The following CFAP57 variants were observed in gnomAD, a reference collection of about 807,000 sequenced individuals.
CFAP57 encodes the protein cilia- and flagella-associated protein 57.
In CFAP57, 116 loss-of-function variants were observed where a neutral mutation model predicts 146.8. That is an observed-to-expected ratio of 0.79 (90% CI 0.68 to 0.92). The LOEUF (loss-of-function observed/expected upper bound fraction) is 0.92. CFAP57 is among the 40% of genes least tolerant of loss of function. The probability of loss-of-function intolerance (pLI) is 0.00; values close to 1 mark genes in which losing one functional copy is unlikely to be tolerated. For missense variants in CFAP57, 1,377 were observed against 1,527.2 expected (o/e 0.90, Z 1.64); for synonymous variants, 518 against 552.8 (o/e 0.94, Z 0.88).
At chr1:43,230,307 T>C (rs1645415598) in intron 18 of CFAP57, among the ~76,000 whole-genome samples, 2 of 152,204 alleles carry the variant, frequency 1.3e-5, no homozygotes, top group East Asian at 1.9e-4. Context: ...GACGCTATCA[T>C]CTGCCTCCTC....
At chr1:43,212,900 C>T (rs1372727383) in intron 11 of CFAP57, among the ~76,000 whole-genome samples, 4 of 145,864 alleles carry the variant, frequency 2.7e-5, no homozygotes, top group African/African-American at 1.0e-4. Context: ...CGTGCCACTG[C>T]ACTCTTAGCC....
rs1341630027 is a variant in CFAP57, at chr1:43,238,325, C to T, written c.3405+3687C>T. Among the ~76,000 whole-genome samples, 2 of 152,164 alleles carry T rather than the reference C, an allele frequency of 1.3e-5. No homozygotes were observed. Among genetic ancestry groups the T allele is most frequent in the African/African-American group, 4.8e-5 (2 of 41,416 alleles). The stretch of plus-strand genomic sequence containing the variant: ...TCTCTTCTCTGCTCAATACGGAGGT[C>T]GGAAAGACCTGCCAGGGTCATCAGT... On this transcript the variant is annotated intron_variant, in intron 21 of 22. Coordinates refer to ENST00000372492, the MANE Select transcript of CFAP57 (RefSeq NM_001378189.1). The surrounding 1 kb of genome is among the most constrained non-coding windows in gnomAD (Gnocchi z 4.3).
At position 43,209,895 on chromosome 1, in the gene CFAP57, C is replaced by T. The variant is rs137864483; in HGVS notation, c.1908C>T (p.Ala636=). 3.1e-6 allele frequency: 5 copies of T among 1,614,100 alleles called. No homozygotes were observed. The highest frequency in any genetic ancestry group is 4.2e-6 in the Non-Finnish European group (5 of 1,180,050). ...PLQKEFNEYQ[A]HAGPITKMLL... is the part of the protein sequence containing the mutation. Reference sequence around the variant, plus strand: ...AGAAGGAATTCAATGAGTACCAGGCCCATGCCGGTCCTATCACCAAGGTGA... The same window carrying T: ...AGAAGGAATTCAATGAGTACCAGGCTCATGCCGGTCCTATCACCAAGGTGA... The change falls in exon 11 of 23, where the codon GCC becomes GCT. Residue 636 remains alanine (A), a synonymous_variant. Transcript: ENST00000372492.
At position 43,234,503 on chromosome 1, in the gene CFAP57, C is replaced by T. The variant is rs761044599; in HGVS notation, c.3270C>T (p.Ile1090=). ...KYVQRADMVE[I]AGLNTDLQQE... is the part of the protein sequence containing the mutation. ...CTCCTGGGCCCCGTCAGGTGGAGAT[C>T]GCAGGGCTGAACACAGACCTGCAGC... is the stretch of plus-strand genomic sequence containing the variant. The change falls in exon 21 of 23, where the codon ATC becomes ATT. Residue 1090 remains isoleucine, a synonymous_variant. Coordinates refer to ENST00000372492, the MANE Select transcript of CFAP57 (RefSeq NM_001378189.1). 3.6e-5 allele frequency: 55 copies of T among 1,548,920 alleles called. No homozygotes were observed. In the Admixed American group the frequency reaches 4.3e-4, roughly 12 times the overall value.
At chr1:43,191,788 G>T (rs1301482208) in intron 6 of CFAP57, among the ~76,000 whole-genome samples, 1 of 130,452 alleles carries the variant, frequency 7.7e-6, no homozygotes, top group Non-Finnish European at 1.7e-5. Context: ...CTTGCTTTAG[G>T]TTTAGGTTGC....
At chr1:43,179,796 A>G (rs1645314968) in intron 2 of CFAP57, among the ~76,000 whole-genome samples, 1 of 152,162 alleles carries the variant, frequency 6.6e-6, no homozygotes, top group South Asian at 2.1e-4. Context: ...GATTGAGTTT[A>G]TCTTTTCCTT....
intron 22 of CFAP57, 81 bp from the exon 23 acceptor site, chr1:43,253,896 G>A (rs1646379990): frequency 1.1e-5 from 14 of 1,270,948 alleles, no homozygotes; most frequent in Non-Finnish European, 1.6e-5. Context: ...AATGTTTGAG[G>A]AAGCAGGGAG....
In CFAP57 at chr1:43,181,813, T is replaced by C. The variant is rs1645420769; in HGVS notation, c.437T>C (p.Ile146Thr). 8.7e-6 allele frequency: 14 copies of C among 1,614,068 alleles called. No individual in the cohort carries two copies. The highest frequency in any genetic ancestry group is 1.7e-5 in the Admixed American group (1 of 59,996). ...WLWEKQKVMA[I>T]VRIDTQNNPV... ...TGGGAAAAACAGAAAGTAATGGCCA[T>C]TGTTAGAATCGACACTCAGAACAAC... The change falls in exon 3 of 23, where the codon ATT becomes ACT. Residue 146 changes from isoleucine to threonine, a missense_variant. Transcript: ENST00000372492.
In CFAP57 at chr1:43,186,796, G is replaced by C. The variant is rs1354878792; in HGVS notation, c.1059G>C (p.Leu353=). The C allele has an allele frequency of 1.9e-6, 3 of 1,614,084 alleles. No homozygotes were observed. In the African/African-American group the frequency reaches 4.0e-5, roughly 22 times the overall value. ...CLCFSPSEET[L]VASTSKNQLY... ...GCTTCAGCCCCTCAGAGGAAACTCT[G>C]GTTGCCAGCACCAGTAAGAACCAAC... The change falls in exon 6 of 23, where the codon CTG becomes CTC. Residue 353 remains leucine, a synonymous_variant. Coordinates refer to ENST00000372492, the MANE Select transcript of CFAP57 (RefSeq NM_001378189.1).
At chr1:43,196,352 G>A (rs1366030651) in intron 6 of CFAP57, 1 of 153,152 alleles carries the variant, frequency 6.5e-6, no homozygotes, top group Non-Finnish European at 1.5e-5. Flanking sequence ...GTAACAGATG[G>A]AGAAGAATAA....
intron 11 of CFAP57, chr1:43,210,308 G>A (rs369485651): frequency 1.4e-6 from 2 of 1,418,068 alleles, no homozygotes; most frequent in East Asian, 5.1e-5. Flanking sequence ...CTCCCTGAGG[G>A]TACAAAAGGC....
rs141144474 is a variant in CFAP57 at position 43,206,870 on chromosome 1, G to A, written c.1693G>A (p.Asp565Asn). The change falls in exon 10 of 23, where the codon GAT (aspartate) becomes AAT (asparagine). Residue 565 changes from aspartate (D) to asparagine (N), a missense_variant. Transcript: ENST00000372492. ...CTACAACTGTGTTACTGTCTCCCCC[G>A]ATGCCAAAATTATCTTTGCTGTTGG... ...CSYNCVTVSP[D>N]AKIIFAVGSD... is the part of the protein sequence containing the mutation. 4.3e-5 allele frequency: 69 copies of A among 1,613,964 alleles called. No homozygotes were observed. Among genetic ancestry groups the A allele is most frequent in the Non-Finnish European group, 5.1e-5 (60 of 1,179,996 alleles).
chr1:43,198,154 C>A (rs1643944880), intron 7 of CFAP57, among the ~76,000 whole-genome samples: 1 of 152,192 alleles, frequency 6.6e-6, no homozygotes, highest in Non-Finnish European at 1.5e-5. Flanking sequence ...TAGGTGGACC[C>A]CCACCCCCTA....
At chr1:43,202,404 G>GA (rs1250315607) in intron 9 of CFAP57, among the ~76,000 whole-genome samples, 1 of 152,014 alleles carries the variant, frequency 6.6e-6, no homozygotes, top group African/African-American at 2.4e-5. Context: ...GACTGATGAA[G>GA]AAAAAATTAA....
chr1:43,232,030 G>T, intron 18 of CFAP57: 1 of 696,128 alleles, frequency 1.4e-6, no homozygotes, highest in Non-Finnish European at 2.6e-6. Context: ...GATGGGTGGT[G>T]CCCACATGTT....
chr1:43,221,529 C>CA, intron 14 of CFAP57, 64 bp downstream of exon 14: 2 of 1,096,082 alleles, frequency 1.8e-6, no homozygotes, highest in South Asian at 2.1e-5. Flanking sequence ...GGGAAACACT[C>CA]AAGAGTCCCC....
chr1:43,236,420 C>G (rs1378595981), intron 21 of CFAP57, among the ~76,000 whole-genome samples: 1 of 151,818 alleles, frequency 6.6e-6, no homozygotes, highest in African/African-American at 2.4e-5. Flanking sequence ...TTACCCTGCT[C>G]CACCACTCCT....
intron 22 of CFAP57, among the ~76,000 whole-genome samples, chr1:43,244,596 G>A (rs542215399): frequency 4.6e-5 from 7 of 152,198 alleles, no homozygotes; most frequent in South Asian, 2.1e-4. Context: ...AGAGCATAGC[G>A]TGTGTCATAA....
intron 6 of CFAP57, chr1:43,196,545 A>C (rs1414089821): frequency 2.0e-5 from 3 of 148,250 alleles, no homozygotes; most frequent in Non-Finnish European, 4.5e-5. Context: ...TAAATTTATA[A>C]GTGGCAGAGG....
Sources: gnomAD v4.1 joint callset for allele counts (sites outside exome capture counted in the v4.1 genomes callset) on GRCh38, gnomAD v4.1.1 for gene constraint, Gnocchi (gnomAD v3.1) non-coding constraint, MANE v1.5 for transcripts, NCBI Gene and HGNC (gene_info 2026-07-23, HGNC 2026-07-21) for gene names.